Variants in SYNJ2 observed in about 807,000 individuals in gnomAD.
SYNJ2 encodes synaptojanin 2, also known as polyphosphatidylinositol phosphatase SYNJ2.
In SYNJ2, 116 loss-of-function variants were observed where a neutral mutation model predicts 141.3. That is an observed-to-expected ratio of 0.82 (90% CI 0.71 to 0.96). The LOEUF (loss-of-function observed/expected upper bound fraction) is 0.96. Among genes scored for constraint, SYNJ2 ranks in the 40% least tolerant of loss-of-function variants. The pLI, the probability that SYNJ2 is intolerant of heterozygous loss-of-function variation, is 0.00. For synonymous variants in SYNJ2, 745 were observed against 777.7 expected (o/e 0.96, Z 0.70); for missense variants, 1,873 against 1,934.8 (o/e 0.97, Z 0.60).
In SYNJ2 at chr6:158,078,146, T is replaced by C. The variant is rs201530328; in HGVS notation, c.2450-18T>C. On this transcript the variant is annotated intron_variant, in intron 17 of 26. Transcript: ENST00000355585. ...CTCGATTCTATATGGGTCTCTCGAA[T>C]GGAACCCCTGCGAGTAGCTGGAGAA... is the stretch of plus-strand genomic sequence containing the variant. The C allele has an allele frequency of 9.4e-5, 143 of 1,513,850 alleles. 1 individual carries two copies. Among genetic ancestry groups the C allele is most frequent in the Non-Finnish European group, 1.3e-4 (139 of 1,089,354 alleles). The allele number at this position is 1,513,850 out of a possible 1,614,324, so 93.8% of individuals were successfully genotyped here. A position where few individuals can be genotyped will look rare whatever the true frequency, so the allele number is the denominator to read the frequency against.
At chr6:158,044,441 A>G (rs1037321932) in intron 5 of SYNJ2, among the ~76,000 whole-genome samples, 11 of 152,282 alleles carry the variant, frequency 7.2e-5, no homozygotes, top group African/African-American at 2.6e-4. Flanking sequence ...TTTAGGCTCC[A>G]CGCTCTGGTA....
At chr6:157,999,812 G>T (rs1198305318) in intron 1 of SYNJ2, among the ~76,000 whole-genome samples, 1 of 152,190 alleles carries the variant, frequency 6.6e-6, no homozygotes, top group Non-Finnish European at 1.5e-5. Flanking sequence ...CCAAGGAGGG[G>T]CCCTAGAGCA....
At chr6:158,061,660 C>T (rs1483194900) in intron 7 of SYNJ2, among the ~76,000 whole-genome samples, 1 of 148,798 alleles carries the variant, frequency 6.7e-6, no homozygotes, top group Non-Finnish European at 1.5e-5. Context: ...ACCTGAAGAA[C>T]AGAGCAGTCC....
chr6:158,017,443 T>C, intron 2 of SYNJ2, 153 bp downstream of exon 2: 1 of 1,122,300 alleles, frequency 8.9e-7, no homozygotes, highest in Non-Finnish European at 1.2e-6. Context: ...AGATAGAGTT[T>C]TGCTCTTGTT....
At chr6:158,085,473 A>G (rs1318113985) in intron 22 of SYNJ2, among the ~76,000 whole-genome samples, 1 of 152,182 alleles carries the variant, frequency 6.6e-6, no homozygotes, top group African/African-American at 2.4e-5. Flanking sequence ...GTTGGAGGAC[A>G]GCTCTAACCA....
At chr6:158,021,903 A>G (rs996983657) in intron 2 of SYNJ2, among the ~76,000 whole-genome samples, 4 of 152,188 alleles carry the variant, frequency 2.6e-5, no homozygotes, top group African/African-American at 4.8e-5. Flanking sequence ...AGCATTTGCC[A>G]GTTTCCAAGG....
rs779501548 is a variant in SYNJ2, at chr6:158,054,980, A to C, written c.809A>C (p.His270Pro). The change falls in exon 6 of 27, where the codon CAT (histidine) becomes CCT (proline). Residue 270 changes from histidine (H) to proline (P), a missense_variant. His to Pro is a moderately conservative substitution (Grantham distance 77, BLOSUM62 -2). Coordinates refer to ENST00000355585, the MANE Select transcript of SYNJ2 (RefSeq NM_003898.4). The part of the protein sequence containing the change: ...EQPGLQVGSH[H>P]LRLHRGLEAN... ...TCTTTGCTTTAGGTTGGCTCCCATC[A>C]TCTGAGACTCCACAGAGGCCTGGAA... 31 of 1,613,988 alleles carry C rather than the reference A, an allele frequency of 1.9e-5. No homozygotes were observed. Among genetic ancestry groups the C allele is most frequent in the Admixed American group, 1.7e-5 (1 of 60,000 alleles).
In SYNJ2 at chr6:158,040,199, G is replaced by A. The variant is rs1333441736; in HGVS notation, c.712-3117G>A. ...CATGGGTTGTATGTGTACAGTGTGTGCGTGGTATGTGCATTTATGTGTTGT... is the reference window on the plus strand; with the variant it reads ...CATGGGTTGTATGTGTACAGTGTGTACGTGGTATGTGCATTTATGTGTTGT... On this transcript the variant is annotated intron_variant, in intron 4 of 26. Coordinates refer to ENST00000355585, the MANE Select transcript of SYNJ2 (RefSeq NM_003898.4). This position sits in a 1 kb window ranked among gnomAD's most constrained non-coding sequence, Gnocchi z 4.2. Among the ~76,000 whole-genome samples the A allele has an allele frequency of 1.3e-5, 2 of 151,728 alleles. No homozygotes were observed. Among genetic ancestry groups the A allele is most frequent in the African/African-American group, 4.9e-5 (2 of 40,982 alleles).
chr6:157,984,352 A>G (rs1316459339), intron 1 of SYNJ2, among the ~76,000 whole-genome samples: 1 of 152,186 alleles, frequency 6.6e-6, no homozygotes. Context: ...TCTGTGTTCC[A>G]AAGGGCTAGC....
At chr6:157,985,694 A>C (rs928542008) in intron 1 of SYNJ2, among the ~76,000 whole-genome samples, 4 of 152,234 alleles carry the variant, frequency 2.6e-5, no homozygotes, top group Non-Finnish European at 5.9e-5. Flanking sequence ...CCAAAGTTCA[A>C]GGTTCTCCAA....
At chr6:158,093,825 A>G in intron 26 of SYNJ2, 1 of 744,952 alleles carries the variant, frequency 1.3e-6, no homozygotes, top group Non-Finnish European at 2.5e-6. Context: ...CCATGTTCAC[A>G]TGCTCTCGTG....
In SYNJ2 at chr6:158,059,341, C is replaced by A; in HGVS notation, c.942C>A (p.Asn314Lys). The change falls in exon 7 of 27, where the codon AAC becomes AAA. Residue 314 changes from asparagine to lysine, a missense_variant. Physicochemically the swap from Asn to Lys is moderately conservative, Grantham distance 94 (BLOSUM62 0). Coordinates refer to ENST00000355585, the MANE Select transcript of SYNJ2 (RefSeq NM_003898.4). ...GCAGAGGCGGAGAGGAGGTGCTCAA[C>A]AGAGCCTTCAAGGTAAGGCCAGGCT... ...LGSRGGEEVLNRAFKKLLWAS... is the reference protein window; with the variant it reads ...LGSRGGEEVLKRAFKKLLWAS... The A allele has an allele frequency of 6.4e-7, 1 of 1,550,424 alleles. No homozygotes were observed. The highest frequency in any genetic ancestry group is 8.7e-7 in the Non-Finnish European group (1 of 1,146,768).
At position 158,076,700 on chromosome 6, in the gene SYNJ2, C is replaced by T. The variant is rs751052578; in HGVS notation, c.2367C>T (p.Tyr789=). ...AGTATGACGTTGGCTCAGCCGCCTA[C>T]GATACAAGCGACAAATGCCGCACCC... ...TYKYDVGSAA[Y]DTSDKCRTPA... The change falls in exon 17 of 27, where the codon TAC becomes TAT. Residue 789 remains tyrosine (Y), a synonymous_variant. Transcript: ENST00000355585. 27 of 1,614,062 alleles carry T rather than the reference C, an allele frequency of 1.7e-5. No individual in the cohort carries two copies. The highest frequency in any genetic ancestry group is 3.3e-4 in the Middle Eastern group (2 of 6,084).
rs1177909178 is a variant in SYNJ2 at position 158,076,735 on chromosome 6, C to G, written c.2402C>G (p.Thr801Arg). ...TSDKCRTPAWTDRVLWWRKKH... is the reference protein window; with the variant it reads ...TSDKCRTPAWRDRVLWWRKKH... Reference sequence around the variant, plus strand: ...GACAAATGCCGCACCCCCGCCTGGACAGACAGGGTGCTGTGGTGGAGGAAG... The same window carrying G: ...GACAAATGCCGCACCCCCGCCTGGAGAGACAGGGTGCTGTGGTGGAGGAAG... The change falls in exon 17 of 27, where the codon ACA becomes AGA. Residue 801 changes from threonine (T) to arginine (R), a missense_variant. Coordinates refer to ENST00000355585, the MANE Select transcript of SYNJ2 (RefSeq NM_003898.4). 2.5e-6 allele frequency: 4 copies of G among 1,614,074 alleles called. No homozygotes were observed. In the South Asian group the frequency reaches 3.3e-5, roughly 13 times the overall value.
Position 158,071,527 on chromosome 6 carries a change from GC to G in SYNJ2, c.1941-72del. The G allele has an allele frequency of 6.5e-7, 1 of 1,528,848 alleles. No individual in the cohort carries two copies. The allele number at this position is 1,528,848 out of a possible 1,614,324, so 94.7% of individuals were successfully genotyped here. A position where few individuals can be genotyped will look rare whatever the true frequency, so the allele number is the denominator to read the frequency against. The stretch of plus-strand genomic sequence containing the variant: ...GCAGCAGGTCCCGAGCTGCTGCTGG[GC>G]CCTTCTCTGTGGCAAAGCAGGGTCA... On this transcript the variant is annotated intron_variant, in intron 14 of 26. Coordinates refer to ENST00000355585, the MANE Select transcript of SYNJ2 (RefSeq NM_003898.4). The surrounding 1 kb of genome is among the most constrained non-coding windows in gnomAD (Gnocchi z 4.3).
chr6:158,083,620 A>C lies in SYNJ2; in HGVS notation c.3034+23A>C, dbSNP rs931523029. 5 of 1,613,204 alleles carry C rather than the reference A, an allele frequency of 3.1e-6. No homozygotes were observed. The African/African-American group carries it at 6.7e-5, about 22-fold the overall frequency. On this transcript the variant is annotated intron_variant, in intron 21 of 26. Transcript: ENST00000355585. ...AAGGTTAGTGACCCTGCAGGGAGGG[A>C]CAGGCAAGCCGTTCTTCTAGCAACA...
rs1347559461 is a variant in SYNJ2 at position 158,088,724 on chromosome 6, T to A, written c.3408T>A (p.Tyr1136Ter). The change falls in exon 24 of 27, where the codon TAT becomes TAA. Residue 1136 changes from tyrosine to a stop codon, truncating the protein, a stop_gained. Transcript: ENST00000355585. LOFTEE classifies it high-confidence loss of function. Reference protein sequence around the residue: ...ASISSGTHGQYSILQTARLLP... With the variant: ...ASISSGTHGQ ...TCTCCTCCGGCACCCATGGACAGTA[T>A]TCAATTTTGCAGACGGCAAGACTTC... 2 of 1,613,996 alleles carry A rather than the reference T, an allele frequency of 1.2e-6. No homozygotes were observed. Among genetic ancestry groups the A allele is most frequent in the Non-Finnish European group, 1.7e-6 (2 of 1,180,010 alleles).
At chr6:158,054,384 G>A (rs1780752847) in intron 5 of SYNJ2, among the ~76,000 whole-genome samples, 1 of 152,136 alleles carries the variant, frequency 6.6e-6, no homozygotes, top group South Asian at 2.1e-4. Context: ...ATCCATTACT[G>A]TCCTCATACA....
intron 1 of SYNJ2, among the ~76,000 whole-genome samples, chr6:158,014,789 G>A (rs543042530): frequency 5.9e-5 from 9 of 152,376 alleles, no homozygotes; most frequent in Middle Eastern, 3.4e-3. Context: ...AGAGGAGCAT[G>A]AGGCAGGAGC....
Sources: allele counts gnomAD v4.1 joint callset (sites outside exome capture counted in the v4.1 genomes callset), GRCh38; gene constraint gnomAD v4.1.1; non-coding constraint Gnocchi (gnomAD v3.1); transcripts MANE v1.5; gene names NCBI Gene and HGNC (gene_info 2026-07-23, HGNC 2026-07-21).